TAFA1: variants seen among roughly 807,000 people sequenced by gnomAD.
TAFA1 encodes the protein chemokine-like protein TAFA-1.
A neutral mutation model predicts 18.5 loss-of-function variants in TAFA1; 4 were observed. That is an observed-to-expected ratio of 0.22 (90% CI 0.11 to 0.49). TAFA1 has a LOEUF of 0.49. TAFA1 is among the 20% of genes least tolerant of loss of function. The pLI is 0.98. For synonymous variants in TAFA1, 56 were observed against 55.2 expected (o/e 1.01, Z -0.06); for missense variants, 147 against 169.0 (o/e 0.87, Z 0.72).
At chr3:68,507,388 T>C (rs1423914308) in intron 3 of TAFA1, among the ~76,000 whole-genome samples, 1 of 152,040 alleles carries the variant, frequency 6.6e-6, no homozygotes, top group Non-Finnish European at 1.5e-5. Flanking sequence ...TATTTATTTA[T>C]ATGGAAAAAA....
intron 3 of TAFA1, among the ~76,000 whole-genome samples, chr3:68,436,968 T>C (rs962691184): frequency 1.3e-5 from 2 of 152,194 alleles, no homozygotes; most frequent in Admixed American, 6.6e-5. Context: ...TTTTTATTTA[T>C]AAATATTTTA....
At chr3:68,405,287 C>T (rs1375471241) in intron 2 of TAFA1, among the ~76,000 whole-genome samples, 1 of 151,832 alleles carries the variant, frequency 6.6e-6, no homozygotes, top group Non-Finnish European at 1.5e-5. Flanking sequence ...AGTATGTATT[C>T]CTGCTTGTAT....
intron 2 of TAFA1, among the ~76,000 whole-genome samples, chr3:68,015,356 G>C (rs974435578): frequency 6.7e-6 from 1 of 149,548 alleles, no homozygotes; most frequent in African/African-American, 2.5e-5. Flanking sequence ...GCATGCTCTC[G>C]GCTCACTGCA....
intron 2 of TAFA1, among the ~76,000 whole-genome samples, chr3:68,305,400 A>AGG (rs1559608769): frequency 1.4e-5 from 1 of 72,752 alleles, no homozygotes; most frequent in Non-Finnish European, 2.6e-5. Context: ...ACTATATATG[A>AGG]CTATATGACT....
chr3:68,478,737 G>T (rs540801010), intron 3 of TAFA1, among the ~76,000 whole-genome samples: 1 of 151,552 alleles, frequency 6.6e-6, no homozygotes, highest in Non-Finnish European at 1.5e-5. Flanking sequence ...GAGTGTACAA[G>T]AAATCAAAAA....
intron 3 of TAFA1, among the ~76,000 whole-genome samples, chr3:68,518,486 G>A (rs1209841153): frequency 6.6e-6 from 1 of 152,136 alleles, no homozygotes; most frequent in Non-Finnish European, 1.5e-5. Context: ...AACATATTTA[G>A]GAATATAACA....
At chr3:68,477,730 A>G (rs1180873173) in intron 3 of TAFA1, among the ~76,000 whole-genome samples, 7 of 152,326 alleles carry the variant, frequency 4.6e-5, no homozygotes, top group African/African-American at 1.2e-4. Flanking sequence ...TCTGTTGGAT[A>G]TAAGCCTAAC....
chr3:67,995,420 A>C, the TAFA1 span, among the ~76,000 whole-genome samples: 1 of 151,974 alleles, frequency 6.6e-6, no homozygotes, highest in Non-Finnish European at 1.5e-5. Context: ...GATTATTGTA[A>C]CTTACTGCCA....
chr3:68,144,406 A>G (rs1051764496), intron 2 of TAFA1, among the ~76,000 whole-genome samples: 4 of 152,182 alleles, frequency 2.6e-5, no homozygotes, highest in African/African-American at 7.2e-5. Context: ...TCTTATGACC[A>G]TCACTTCCTG....
intron 2 of TAFA1, among the ~76,000 whole-genome samples, chr3:68,246,589 CAAAAAAAAAAAAAAAAAA>C (rs63748968): frequency 0.011 from 612 of 55,360 alleles, 10 homozygotes; most frequent in African/African-American, 0.023. Flanking sequence ...GACTCCGTCT[CAAAAAAAAAAAAAAAAAA>C]AAAAAAAAAA....
chr3:68,304,468 T>C (rs1328586583), intron 2 of TAFA1, among the ~76,000 whole-genome samples: 1 of 152,192 alleles, frequency 6.6e-6, no homozygotes, highest in Non-Finnish European at 1.5e-5. Context: ...GGGGTGTGAT[T>C]TGAATCTGTA....
chr3:68,343,555 GGATACTACAGT>G (rs995873064), intron 2 of TAFA1, among the ~76,000 whole-genome samples: 1 of 152,094 alleles, frequency 6.6e-6, no homozygotes, highest in African/African-American at 2.4e-5. Context: ...AGGTACCCAT[GGATACTACAGT>G]GATCTCACAG....
At chr3:68,482,455 A>G (rs987915058) in intron 3 of TAFA1, among the ~76,000 whole-genome samples, 1 of 152,202 alleles carries the variant, frequency 6.6e-6, no homozygotes, top group Non-Finnish European at 1.5e-5. Flanking sequence ...ACACAGAGGA[A>G]AGACCAGGGA....
chr3:68,328,196 A>G (rs1321022423), intron 2 of TAFA1, among the ~76,000 whole-genome samples: 1 of 152,146 alleles, frequency 6.6e-6, no homozygotes. Flanking sequence ...CCTGGTTTTC[A>G]TGAATCAGCT....
At position 68,486,072 on chromosome 3, in the gene TAFA1, T is replaced by TTTTTA. The variant is rs1438865835; in HGVS notation, c.260-52659_260-52655dup. On this transcript the variant is annotated intron_variant, in intron 3 of 4. Transcript: ENST00000478136. Reference sequence around the variant, plus strand: ...GCCTCCATTCCTGGCTAAATTTTTATTTTTATTTTATTTTATTTTATTTTA... The same window carrying TTTTTA: ...GCCTCCATTCCTGGCTAAATTTTTATTTTTATTTTATTTTATTTTATTTTATTTTA... Among the ~76,000 whole-genome samples, 359 of 127,500 alleles carry TTTTTA rather than the reference T, an allele frequency of 2.8e-3. 1 individual carries two copies. Among genetic ancestry groups the TTTTTA allele is most frequent in the African/African-American group, 6.1e-3 (196 of 32,366 alleles). The allele number at this position is 127,500 out of a possible 152,430, so 83.6% of individuals were successfully genotyped here. A position where few individuals can be genotyped will look rare whatever the true frequency, so the allele number is the denominator to read the frequency against.
At chr3:68,204,365 G>T (rs796727625) in intron 2 of TAFA1, among the ~76,000 whole-genome samples, 3 of 151,822 alleles carry the variant, frequency 2.0e-5, no homozygotes, top group African/African-American at 7.2e-5. Flanking sequence ...TCATGGGAAA[G>T]CCCCCCACTT....
Position 68,521,801 on chromosome 3 carries a change from C to G in TAFA1, c.260-16955C>G, listed in dbSNP as rs1485821647. On this transcript the variant is annotated intron_variant, in intron 3 of 4. Transcript: ENST00000478136. ...GTTTGGGAAAAGTGAAATTTGTTTG[C>G]TTATGTTGTGACAGAAACATAGAAG... Among the ~76,000 whole-genome samples the G allele has an allele frequency of 6.3e-5, 9 of 143,424 alleles. No individual in the cohort carries two copies. In the South Asian group the frequency reaches 1.8e-3, roughly 28 times the overall value. The allele number at this position is 143,424 out of a possible 152,430, so 94.1% of individuals were successfully genotyped here. A position where few individuals can be genotyped will look rare whatever the true frequency, so the allele number is the denominator to read the frequency against.
At chr3:67,992,980 C>T in the TAFA1 span, among the ~76,000 whole-genome samples, 1 of 152,202 alleles carries the variant, frequency 6.6e-6, no homozygotes, top group Non-Finnish European at 1.5e-5. Flanking sequence ...AGTCATGTGA[C>T]CAACCTGATG....
chr3:68,271,968 A>T (rs993002662), intron 2 of TAFA1, among the ~76,000 whole-genome samples: 1 of 152,160 alleles, frequency 6.6e-6, no homozygotes, highest in African/African-American at 2.4e-5. Flanking sequence ...TCAAGTATAC[A>T]GTGATTTGCA....
Sources: allele counts gnomAD v4.1 joint callset (sites outside exome capture counted in the v4.1 genomes callset), GRCh38; gene constraint gnomAD v4.1.1; transcripts MANE v1.5; gene names NCBI Gene and HGNC (gene_info 2026-07-23, HGNC 2026-07-21).